Variants in AHR observed in about 807,000 individuals in gnomAD.
The protein encoded by AHR is aryl hydrocarbon receptor.
In AHR, 40 loss-of-function variants were observed where a neutral mutation model predicts 86.8. The ratio of observed to expected loss-of-function variants is 0.46; its 90% CI spans 0.36 to 0.60. The LOEUF is 0.60. Among genes scored for constraint, AHR ranks in the 20% least tolerant of loss-of-function variants. AHR has a pLI of 0.00. For missense variants in AHR, 1,001 were observed against 1,011.6 expected (o/e 0.99, Z 0.14); for synonymous variants, 398 against 354.9 (o/e 1.12, Z -1.37).
At chr7:17,316,673 T>C (rs1013308181) in intron 2 of AHR, among the ~76,000 whole-genome samples, 1 of 152,186 alleles carries the variant, frequency 6.6e-6, no homozygotes, top group African/African-American at 2.4e-5. Flanking sequence ...TAATGAATTG[T>C]ACCTACTGAA....
At position 17,339,538 on chromosome 7, in the gene AHR, C is replaced by G. The variant is rs772181148; in HGVS notation, c.1713C>G (p.Asp571Glu). The change falls in exon 10 of 11, where the codon GAC becomes GAG. Residue 571 changes from aspartate to glutamate, a missense_variant. Asp to Glu is a conservative substitution (Grantham distance 45). Transcript: ENST00000242057. ...GAAATGATTTTTCTGGTGAGGTTGA[C>G]TTCAGAGACATTGACTTAACGGATG... ...FFRNDFSGEV[D>E]FRDIDLTDEI... is the part of the protein sequence containing the mutation. 3 of 1,614,054 alleles carry G rather than the reference C, an allele frequency of 1.9e-6. No homozygotes were observed. The highest frequency in any genetic ancestry group is 3.3e-5 in the Admixed American group (2 of 60,012).
In AHR at chr7:17,334,944, T is replaced by C. The variant is rs756880752; in HGVS notation, c.966T>C (p.Tyr322=). 5.0e-6 allele frequency: 8 copies of C among 1,613,274 alleles called. No individual in the cohort carries two copies. Among genetic ancestry groups the C allele is most frequent in the Admixed American group, 1.7e-5 (1 of 59,944 alleles). The change falls in exon 8 of 11, where the codon TAT becomes TAC. Residue 322 remains tyrosine (Y), a synonymous_variant. Coordinates refer to ENST00000242057, the MANE Select transcript of AHR (RefSeq NM_001621.5). ...AGCTGTGCACGAGAGGCTCAGGTTATCAGTTTATTCATGCAGCTGATATGC... is the reference window on the plus strand; with the variant it reads ...AGCTGTGCACGAGAGGCTCAGGTTACCAGTTTATTCATGCAGCTGATATGC... The part of the protein sequence containing the change: ...EAELCTRGSG[Y]QFIHAADMLY...
At chr7:17,334,135 T>TAC in intron 7 of AHR, 21 bp downstream of exon 7, 1 of 1,582,696 alleles carries the variant, frequency 6.3e-7, no homozygotes, top group Non-Finnish European at 8.7e-7. Flanking sequence ...CTTTTTCACT[T>TAC]TTATTTTATT....
intron 1 of AHR, among the ~76,000 whole-genome samples, chr7:17,303,791 G>A (rs909269142): frequency 2.0e-5 from 3 of 152,096 alleles, no homozygotes; most frequent in Non-Finnish European, 4.4e-5. Flanking sequence ...AAAAGTATGT[G>A]TTGTTTTAAG....
chr7:17,299,619 T>C (rs1318661532), intron 1 of AHR, among the ~76,000 whole-genome samples: 1 of 152,242 alleles, frequency 6.6e-6, no homozygotes, highest in East Asian at 1.9e-4. Context: ...TTGGTCCTGA[T>C]TTGTTGACAG....
At chr7:17,315,152 A>G (rs559188172) in intron 2 of AHR, among the ~76,000 whole-genome samples, 1 of 152,144 alleles carries the variant, frequency 6.6e-6, no homozygotes, top group South Asian at 2.1e-4. Flanking sequence ...GAATAAATAC[A>G]AAGAATAGTA....
intron 1 of AHR, among the ~76,000 whole-genome samples, chr7:17,309,231 G>T (rs149898577): frequency 8.5e-5 from 13 of 152,130 alleles, no homozygotes; most frequent in Admixed American, 8.5e-4. Flanking sequence ...CACAAGCTAC[G>T]AAAGCTAATA....
At chr7:17,314,559 T>A (rs1562476153) in intron 2 of AHR, among the ~76,000 whole-genome samples, 1 of 152,106 alleles carries the variant, frequency 6.6e-6, no homozygotes, top group Admixed American at 6.6e-5. Context: ...CAAAGAGAGC[T>A]ATTGTGTTTA....
At chr7:17,336,863 T>G (rs1366301959) in intron 9 of AHR, among the ~76,000 whole-genome samples, 1 of 152,126 alleles carries the variant, frequency 6.6e-6, no homozygotes, top group Non-Finnish European at 1.5e-5. Context: ...GGTTTATTGA[T>G]TTTTTTCTAT....
intron 6 of AHR, among the ~76,000 whole-genome samples, chr7:17,331,347 C>T (rs1782286753): frequency 6.6e-6 from 1 of 151,900 alleles, no homozygotes; most frequent in African/African-American, 2.4e-5. Context: ...TTGATTTCAG[C>T]TTTAAAAATC....
intron 2 of AHR, among the ~76,000 whole-genome samples, chr7:17,317,138 A>G (rs1261627871): frequency 8.6e-6 from 1 of 115,918 alleles, no homozygotes; most frequent in Non-Finnish European, 1.8e-5. Context: ...TTTTTTGAAT[A>G]TGCATAAGGG....
intron 7 of AHR, 108 bp downstream of exon 7, chr7:17,334,222 T>C: frequency 1.0e-6 from 1 of 955,882 alleles, no homozygotes; most frequent in Non-Finnish European, 1.6e-6. Context: ...TATTATTAGA[T>C]TGGCTATTAT....
chr7:17,317,373 T>G (rs146251527), intron 2 of AHR, among the ~76,000 whole-genome samples: 5 of 152,082 alleles, frequency 3.3e-5, no homozygotes, highest in African/African-American at 1.2e-4. Context: ...GATAGAAATT[T>G]TGGGCATTGT....
Position 17,342,986 on chromosome 7 carries a change from T to C in AHR, c.2469T>C (p.Thr823=). The C allele has an allele frequency of 6.2e-7, 1 of 1,613,510 alleles. No individual in the cohort carries two copies. Among genetic ancestry groups the C allele is most frequent in the South Asian group, 1.1e-5 (1 of 91,058 alleles). Residue 823 remains threonine (T), a synonymous_variant, in exon 11 of 11, where the codon ACT becomes ACC. Transcript: ENST00000242057. ...AELNNINNTQ[T]TTHLQPLHHP... ...TAAATAACATAAATAACACTCAGAC[T>C]ACCACACATCTTCAGCCACTTCATC...
intron 10 of AHR, among the ~76,000 whole-genome samples, chr7:17,341,900 A>G (rs962697069): frequency 6.6e-6 from 1 of 152,156 alleles, no homozygotes; most frequent in Non-Finnish European, 1.5e-5. Flanking sequence ...GAATGGTGAC[A>G]TGAATTGTGT....
intron 2 of AHR, among the ~76,000 whole-genome samples, chr7:17,315,372 A>G (rs1782105011): frequency 6.6e-6 from 1 of 152,054 alleles, no homozygotes; most frequent in Non-Finnish European, 1.5e-5. Flanking sequence ...ATTTTGAAGA[A>G]CACAGTGACA....
intron 10 of AHR, among the ~76,000 whole-genome samples, chr7:17,342,558 C>G (rs1782437255): frequency 1.3e-5 from 2 of 152,054 alleles, no homozygotes; most frequent in African/African-American, 4.8e-5. Flanking sequence ...CAAACCTGGT[C>G]AAAGCAAACC....
chr7:17,338,198 CAAAA>C (rs375217061), intron 9 of AHR, among the ~76,000 whole-genome samples: 2 of 64,632 alleles, frequency 3.1e-5, no homozygotes, highest in Non-Finnish European at 3.1e-5. Context: ...GACTCCGTCT[CAAAA>C]AAAAAAAAAA....
In AHR at chr7:17,301,490, CATTTT is replaced by C. The variant is rs1419976842; in HGVS notation, c.65+2171_65+2175del. ...TAACTTTGACCTCTTAAATGAGAGC[CATTTT>C]ATTTTATTTACAGATAAAATATGCT... is the stretch of plus-strand genomic sequence containing the variant. On this transcript the variant is annotated intron_variant, in intron 1 of 10. Coordinates refer to ENST00000242057, the MANE Select transcript of AHR (RefSeq NM_001621.5). Among the ~76,000 whole-genome samples the C allele has an allele frequency of 3.3e-5, 5 of 151,766 alleles. 1 individual carries two copies. Among genetic ancestry groups the C allele is most frequent in the Non-Finnish European group, 7.4e-5 (5 of 67,828 alleles).
Sources: allele counts gnomAD v4.1 joint callset (sites outside exome capture counted in the v4.1 genomes callset), GRCh38; gene constraint gnomAD v4.1.1; transcripts MANE v1.5; gene names NCBI Gene and HGNC (gene_info 2026-07-23, HGNC 2026-07-21).